The following LONRF3 variants were observed in gnomAD, a reference collection of about 807,000 sequenced individuals.
The protein encoded by LONRF3 is LON peptidase N-terminal domain and RING finger protein 3.
LONRF3 carries 19 observed loss-of-function variants against 51.7 expected under a neutral mutation model. That is an observed-to-expected ratio of 0.37 (90% CI 0.26 to 0.54). LONRF3 has a LOEUF of 0.54. LONRF3 is among the 20% of genes least tolerant of loss of function. LONRF3 has a pLI of 0.86. For synonymous variants in LONRF3, 265 were observed against 257.8 expected, an observed-to-expected ratio of 1.03 and a Z score of -0.27; for missense variants, 521 against 623.9, an observed-to-expected ratio of 0.84 and a Z score of 1.76.
chrX:119,000,380 G>A (rs1291420120), intron 5 of LONRF3, among the ~76,000 whole-genome samples: 1 of 112,177 alleles, frequency 8.9e-6, no homozygotes, highest in Non-Finnish European at 1.9e-5. Context: ...GGTGAAAAGA[G>A]TGAATGGAAC....
chrX:119,014,787 T>C (rs1925329856), intron 10 of LONRF3, among the ~76,000 whole-genome samples: 1 of 111,233 alleles, frequency 9.0e-6, no homozygotes, highest in Non-Finnish European at 1.9e-5. Context: ...CTCTCCCTCA[T>C]TGCTTTGGGA....
At chrX:118,991,584 T>C (rs1923431571) in intron 5 of LONRF3, among the ~76,000 whole-genome samples, 1 of 112,204 alleles carries the variant, frequency 8.9e-6, no homozygotes, top group African/African-American at 3.2e-5. Flanking sequence ...AAAGAGGCTA[T>C]GATTATGGTG....
intron 5 of LONRF3, among the ~76,000 whole-genome samples, chrX:118,999,543 G>A (rs1316690845): frequency 4.5e-5 from 5 of 111,676 alleles, no homozygotes; most frequent in Non-Finnish European, 9.4e-5. Context: ...AACATCCAGG[G>A]GACAAGAAAT....
chrX:119,013,311 A>G (rs1032754808), intron 9 of LONRF3, 110 bp downstream of exon 9: 18 of 793,605 alleles, frequency 2.3e-5, no homozygotes, highest in Non-Finnish European at 3.2e-5. Context: ...TTGGGATTTC[A>G]CACCAAATTG....
intron 2 of LONRF3, among the ~76,000 whole-genome samples, chrX:118,981,242 T>C (rs1922526883): frequency 9.1e-6 from 1 of 110,260 alleles, no homozygotes; most frequent in East Asian, 2.9e-4. Flanking sequence ...CCCAGCACTT[T>C]GGGAGGCTGA....
At chrX:118,977,192 G>T (rs1288625040) in intron 1 of LONRF3, among the ~76,000 whole-genome samples, 1 of 111,549 alleles carries the variant, frequency 9.0e-6, no homozygotes, top group African/African-American at 3.3e-5. Flanking sequence ...ATCAAAGCCT[G>T]TTGCCACAGA....
intron 5 of LONRF3, among the ~76,000 whole-genome samples, chrX:118,993,691 C>A (rs1259210931): frequency 1.8e-5 from 2 of 111,670 alleles, no homozygotes; most frequent in East Asian, 5.6e-4. Flanking sequence ...CTGGGAAATT[C>A]ATCACAAGCA....
intron 5 of LONRF3, among the ~76,000 whole-genome samples, chrX:119,003,533 A>G (rs912472730): frequency 2.7e-5 from 3 of 112,335 alleles, no homozygotes; most frequent in African/African-American, 9.7e-5. Flanking sequence ...CATTTGTCAT[A>G]AATCAAGAAT....
chrX:118,979,167 AT>A (rs1235774204), intron 2 of LONRF3, among the ~76,000 whole-genome samples: 2 of 108,061 alleles, frequency 1.9e-5, no homozygotes, highest in East Asian at 5.8e-4. Flanking sequence ...CACCTGGCTA[AT>A]TTTTTGTATT....
At chrX:118,996,868 G>C (rs1382315545) in intron 5 of LONRF3, among the ~76,000 whole-genome samples, 2 of 105,056 alleles carry the variant, frequency 1.9e-5, no homozygotes, top group African/African-American at 7.0e-5. Flanking sequence ...CTTGCAGTGA[G>C]CAGAGATCAC....
At position 119,017,727 on chromosome X, in the gene LONRF3, A is replaced by G. The variant is rs1925555964; in HGVS notation, c.*37A>G. Reference sequence around the variant, plus strand: ...CCGAAGAGGAGCTCCCACCTTCCCCACTGCCGTCGGGGGGAGTCTTCTTGT... The same window carrying G: ...CCGAAGAGGAGCTCCCACCTTCCCCGCTGCCGTCGGGGGGAGTCTTCTTGT... On this transcript the variant is annotated 3_prime_UTR_variant, in exon 11 of 11. Coordinates refer to ENST00000371628, the MANE Select transcript of LONRF3 (RefSeq NM_001031855.3). 1 of 1,133,886 alleles carries G rather than the reference A, an allele frequency of 8.8e-7. No individual in the cohort carries two copies. The highest frequency in any genetic ancestry group is 1.8e-5 in the African/African-American group (1 of 54,931). The allele number at this position is 1,133,886 out of a possible 1,213,427, so 93.4% of individuals were successfully genotyped here.
chrX:118,977,986 C>T (rs1922219541), intron 1 of LONRF3, among the ~76,000 whole-genome samples: 1 of 111,477 alleles, frequency 9.0e-6, no homozygotes, highest in African/African-American at 3.3e-5. Flanking sequence ...CCTACCTGGC[C>T]TGTTTTCTTG....
chrX:118,980,601 A>G (rs1400471963), intron 2 of LONRF3, among the ~76,000 whole-genome samples: 1 of 111,148 alleles, frequency 9.0e-6, no homozygotes, highest in Non-Finnish European at 1.9e-5. Context: ...TTCTTGAGTA[A>G]TGATGGATTA....
chrX:118,979,869 A>G (rs777864118), intron 2 of LONRF3, among the ~76,000 whole-genome samples: 179 of 112,026 alleles, frequency 1.6e-3, no homozygotes, highest in Non-Finnish European at 3.0e-3. Flanking sequence ...GCCAGGATGC[A>G]AAGTGTCACT....
In LONRF3 at chrX:118,989,444, G is replaced by C; in HGVS notation, c.1096G>C (p.Glu366Gln). ...GCTCCCACATTGTTCTAGTCAGGAG[G>C]AAGCAGCAGCCAGGGGAGATGGCAG... The part of the protein sequence containing the change: ...LELPHCSSQE[E>Q]AAARGDGSSL... Residue 366 changes from glutamate to glutamine, a missense_variant, in exon 4 of 11, where the codon GAA becomes CAA. This residue lies in a region of LONRF3 where 376 missense variants were observed against 376.7 expected (regional missense o/e 1.00). Transcript: ENST00000371628. The C allele has an allele frequency of 8.3e-7, 1 of 1,211,300 alleles. No homozygotes were observed.
Position 119,013,115 on chromosome X carries a change from A to G in LONRF3, c.1888A>G (p.Ile630Val), listed in dbSNP as rs776088478. The change falls in exon 9 of 11, where the codon ATA (isoleucine) becomes GTA (valine). Residue 630 changes from isoleucine (I) to valine (V), a missense_variant. By Grantham distance (29) the Ile-to-Val change is conservative. Transcript: ENST00000371628. Reference sequence around the variant, plus strand: ...TGATGGCCGCTCAGTGGTTGACAGCATAGGCAAGAGGCGCTTCAGGGTGCT... The same window carrying G: ...TGATGGCCGCTCAGTGGTTGACAGCGTAGGCAAGAGGCGCTTCAGGGTGCT... ...FADGRSVVDSIGKRRFRVLHQ... is the reference protein window; with the variant it reads ...FADGRSVVDSVGKRRFRVLHQ... 2.6e-5 allele frequency: 31 copies of G among 1,210,952 alleles called. No individual in the cohort carries two copies. Among genetic ancestry groups the G allele is most frequent in the South Asian group, 1.8e-5 (1 of 56,877 alleles).
intron 5 of LONRF3, among the ~76,000 whole-genome samples, chrX:119,002,602 G>C (rs975023314): frequency 5.4e-5 from 6 of 110,689 alleles, no homozygotes; most frequent in African/African-American, 2.0e-4. Flanking sequence ...ACATCTGCTG[G>C]TGCTTATAAG....
chrX:118,976,133 G>A (rs930985024), intron 1 of LONRF3, among the ~76,000 whole-genome samples: 20 of 112,931 alleles, frequency 1.8e-4, no homozygotes, highest in African/African-American at 6.4e-4. Flanking sequence ...TGCGTCCGCC[G>A]CTCGCGCCGC....
At chrX:118,976,543 G>A (rs1267036860) in intron 1 of LONRF3, 3 of 112,953 alleles carry the variant, frequency 2.7e-5, no homozygotes, top group African/African-American at 9.6e-5. Context: ...GGATCCCTGG[G>A]GACCGTGGGC....
Sources: gnomAD v4.1 joint callset for allele counts (sites outside exome capture counted in the v4.1 genomes callset) on GRCh38, gnomAD v4.1.1 for gene constraint, gnomAD v4.1.1 regional missense constraint, MANE v1.5 for transcripts, NCBI Gene and HGNC (gene_info 2026-07-23, HGNC 2026-07-21) for gene names.